The following FGD4 variants were observed in gnomAD, a reference collection of about 807,000 sequenced individuals.
FGD4 encodes the protein FYVE, RhoGEF and PH domain containing 4, also known as FYVE, RhoGEF and PH domain-containing protein 4.
In FGD4, 42 loss-of-function variants were observed where a neutral mutation model predicts 102.0. That is an observed-to-expected ratio of 0.41 (90% CI 0.32 to 0.53). FGD4 has a LOEUF of 0.53. Among genes scored for constraint, FGD4 ranks in the 20% least tolerant of loss-of-function variants. The probability of loss-of-function intolerance (pLI) is 0.21; values close to 1 mark genes in which losing one functional copy is unlikely to be tolerated. For missense variants in FGD4, 902 were observed against 1,078.2 expected (o/e 0.84, Z 2.29); for synonymous variants, 380 against 375.7 (o/e 1.01, Z -0.13).
chr12:32,467,739 G>A (rs1458490668), intron 1 of FGD4, among the ~76,000 whole-genome samples: 1 of 152,030 alleles, frequency 6.6e-6, no homozygotes, highest in Non-Finnish European at 1.5e-5. Context: ...CTTTTGGCCG[G>A]GCTTGGTGGC....
intron 8 of FGD4, 127 bp downstream of exon 8, chr12:32,608,222 A>G (rs1592388883): frequency 6.0e-6 from 8 of 1,323,892 alleles, no homozygotes; most frequent in Non-Finnish European, 8.6e-6. Flanking sequence ...AGATAATTTC[A>G]TTGGAAATTG....
rs1950622364 is a variant in FGD4 at position 32,633,670 on chromosome 12, A to G, written c.2294A>G (p.Lys765Arg). ...GGATTCACAGACAGTGAAGAAAAGA[A>G]AAGAAAAGGAATTTTAGAGGTAAGA... ...ISGFTDSEEK[K>R]RKGILEIESA... Residue 765 changes from lysine (K) to arginine (R), a missense_variant, in exon 15 of 17, where the codon AAA (lysine) becomes AGA (arginine). Physicochemically the swap from Lys to Arg is conservative, Grantham distance 26. Coordinates refer to ENST00000534526, the MANE Select transcript of FGD4 (RefSeq NM_001370298.3). The G allele has an allele frequency of 1.2e-6, 2 of 1,602,288 alleles. No homozygotes were observed. Among genetic ancestry groups the G allele is most frequent in the Admixed American group, 1.7e-5 (1 of 59,988 alleles).
chr12:32,563,565 C>A (rs1176822667), intron 1 of FGD4, among the ~76,000 whole-genome samples: 2 of 151,726 alleles, frequency 1.3e-5, no homozygotes, highest in Non-Finnish European at 2.9e-5. Context: ...GATGGGCAGC[C>A]GGGCAGAGAC....
At chr12:32,528,862 CTT>C (rs1428874530) in intron 1 of FGD4, among the ~76,000 whole-genome samples, 1 of 152,066 alleles carries the variant, frequency 6.6e-6, no homozygotes, top group African/African-American at 2.4e-5. Flanking sequence ...AATGCAGAAA[CTT>C]TGGATTTGGA....
intron 7 of FGD4, among the ~76,000 whole-genome samples, chr12:32,604,474 A>G (rs1948637963): frequency 1.3e-5 from 2 of 152,058 alleles, no homozygotes; most frequent in Non-Finnish European, 2.9e-5. Flanking sequence ...AATTTCTACT[A>G]GTCTTTCTTC....
chr12:32,632,714 T>TTTA (rs1491125818), intron 14 of FGD4, among the ~76,000 whole-genome samples: 1,316 of 83,292 alleles, frequency 0.016, 5 homozygotes, highest in Non-Finnish European at 0.024. Context: ...TATTTATTTA[T>TTTA]TTTTTTTTTT....
intron 1 of FGD4, among the ~76,000 whole-genome samples, chr12:32,562,827 A>C (rs1247459484): frequency 5.3e-5 from 8 of 152,334 alleles, no homozygotes; most frequent in Admixed American, 1.3e-4. Flanking sequence ...CTACACAGAC[A>C]CGGCAACCAT....
intron 1 of FGD4, among the ~76,000 whole-genome samples, chr12:32,442,327 A>G (rs1367549378): frequency 6.6e-6 from 1 of 152,082 alleles, no homozygotes; most frequent in African/African-American, 2.4e-5. Context: ...TGCTGGGATT[A>G]CAGATGTGAG....
intron 1 of FGD4, among the ~76,000 whole-genome samples, chr12:32,430,324 A>G (rs1368389366): frequency 1.3e-5 from 2 of 152,060 alleles, no homozygotes; most frequent in African/African-American, 2.4e-5. Context: ...GAAAAAAAAA[A>G]GGAAAGAAGA....
At chr12:32,488,458 A>G (rs994371047) in intron 1 of FGD4, among the ~76,000 whole-genome samples, 4 of 152,044 alleles carry the variant, frequency 2.6e-5, no homozygotes, top group African/African-American at 9.7e-5. Flanking sequence ...GTAATTTTAG[A>G]TTAGAAAACT....
intron 1 of FGD4, among the ~76,000 whole-genome samples, chr12:32,439,333 T>A (rs1942348499): frequency 6.6e-6 from 1 of 152,252 alleles, no homozygotes; most frequent in Non-Finnish European, 1.5e-5. Context: ...CCCTTGTGTA[T>A]CTATGCCACA....
chr12:32,608,201 T>C (rs1200287415), intron 8 of FGD4, 106 bp downstream of exon 8: 1 of 1,444,920 alleles, frequency 6.9e-7, no homozygotes, highest in Non-Finnish European at 9.7e-7. Flanking sequence ...TAGTCAAATG[T>C]TGCTGTTAGA....
chr12:32,545,250 C>T (rs1499615), intron 1 of FGD4, among the ~76,000 whole-genome samples: 60,841 of 152,018 alleles, frequency 0.4, 13,464 homozygotes, highest in African/African-American at 0.6. Flanking sequence ...TTATTAAATA[C>T]ATTCCAGAGT....
Position 32,633,432 on chromosome 12 carries a change from A to G in FGD4, c.2173-117A>G, listed in dbSNP as rs1950607396. ...GTGTTTATAGGGATGTTCCTTTTCT[A>G]ACAAAAATCTGCCTTCTATGCTTAA... On this transcript the variant is annotated intron_variant, in intron 14 of 16. Coordinates refer to ENST00000534526, the MANE Select transcript of FGD4 (RefSeq NM_001370298.3). 4 of 1,129,748 alleles carry G rather than the reference A, an allele frequency of 3.5e-6. No individual in the cohort carries two copies. In the African/African-American group the frequency reaches 6.2e-5, roughly 18 times the overall value. The allele number at this position is 1,129,748 out of a possible 1,614,324, so 70.0% of individuals were successfully genotyped here. A position where few individuals can be genotyped will look rare whatever the true frequency, so the allele number is the denominator to read the frequency against.
intron 1 of FGD4, among the ~76,000 whole-genome samples, chr12:32,417,906 G>A (rs1194594813): frequency 7.5e-6 from 1 of 133,258 alleles, no homozygotes; most frequent in Non-Finnish European, 1.6e-5. Flanking sequence ...TTGTCTGAAA[G>A]GTCACATATC....
intron 3 of FGD4, among the ~76,000 whole-genome samples, chr12:32,577,156 T>C (rs1946192471): frequency 6.6e-6 from 1 of 150,786 alleles, no homozygotes; most frequent in East Asian, 1.9e-4. Flanking sequence ...CTTTTCTCCT[T>C]ATAAAACTCT....
At position 32,513,957 on chromosome 12, in the gene FGD4, G is replaced by A. The variant is rs541842371; in HGVS notation, c.167-50180G>A. On this transcript the variant is annotated intron_variant, in intron 1 of 16. Transcript: ENST00000534526. ...CAATATATTCATAGTCTGATAAACA[G>A]TATTAGTTTCCCTTTTATGAAAAAG... 5.9e-5 allele frequency among the ~76,000 whole-genome samples: 9 copies of A among 152,298 alleles called. No homozygotes were observed. The East Asian group carries it at 1.5e-3, about 26-fold the overall frequency.
chr12:32,404,257 A>G (rs1489653701), intron 1 of FGD4, among the ~76,000 whole-genome samples: 1 of 148,574 alleles, frequency 6.7e-6, no homozygotes, highest in Admixed American at 6.7e-5. Context: ...ATGTAAGTAC[A>G]GTTTTTTTTT....
intron 5 of FGD4, chr12:32,600,300 T>C (rs973384014): frequency 7.0e-6 from 2 of 284,034 alleles, no homozygotes; most frequent in Non-Finnish European, 1.3e-5. Flanking sequence ...GCCAAATAAC[T>C]CGTCAGCCAC....
Sources: gnomAD v4.1 joint callset for allele counts (sites outside exome capture counted in the v4.1 genomes callset) on GRCh38, gnomAD v4.1.1 for gene constraint, MANE v1.5 for transcripts, NCBI Gene and HGNC (gene_info 2026-07-23, HGNC 2026-07-21) for gene names.